CHD2: variants seen among roughly 807,000 people sequenced by gnomAD.
The protein encoded by CHD2 is chromodomain helicase DNA binding protein 2.
Under a neutral mutation model 243.9 loss-of-function variants are expected in CHD2, and 28 were observed. The ratio of observed to expected loss-of-function variants is 0.11; its 90% CI spans 0.09 to 0.16. The LOEUF is 0.16. Among genes scored for constraint, CHD2 ranks in the 10% least tolerant of loss-of-function variants. The pLI is 1.00. For synonymous variants in CHD2, 775 were observed against 779.0 expected, an observed-to-expected ratio of 0.99 and a Z score of 0.09; for missense variants, 1,386 against 2,209.8, an observed-to-expected ratio of 0.63 and a Z score of 7.47.
chr15:92,955,352 A>G (rs1261852954), intron 14 of CHD2, 71 bp from the exon 15 acceptor site: 1 of 846,320 alleles, frequency 1.2e-6, no homozygotes, highest in Admixed American at 3.5e-5. Context: ...CTATTACATC[A>G]ATCACAAAAC....
intron 5 of CHD2, among the ~76,000 whole-genome samples, chr15:92,932,414 G>A (rs1234191102): frequency 1.3e-5 from 2 of 148,982 alleles, no homozygotes; most frequent in Non-Finnish European, 3.0e-5. Flanking sequence ...TTTACATTAG[G>A]TATATCTCCT....
chr15:92,942,707 A>G, intron 8 of CHD2, 136 bp from the exon 9 acceptor site: 1 of 612,848 alleles, frequency 1.6e-6, no homozygotes. Context: ...GTTGTTTGTG[A>G]GTTTGTACTT....
intron 21 of CHD2, among the ~76,000 whole-genome samples, 183 bp from the exon 22 acceptor site, chr15:92,978,951 CA>C (rs1299078361): frequency 6.6e-6 from 1 of 152,128 alleles, no homozygotes; most frequent in Non-Finnish European, 1.5e-5. Context: ...ACCTGCTGCA[CA>C]TAGTAAAAGT....
At chr15:92,996,855 G>A in intron 28 of CHD2, 102 bp from the exon 29 acceptor site, 2 of 1,131,200 alleles carry the variant, frequency 1.8e-6, no homozygotes, top group Non-Finnish European at 2.5e-6. Context: ...ATAAGCCAGA[G>A]ATATATTCAG....
chr15:92,901,331 T>G, intron 2 of CHD2, 32 bp downstream of exon 2: 1 of 1,303,200 alleles, frequency 7.7e-7, no homozygotes, highest in Admixed American at 2.0e-5. Flanking sequence ...CCTTTTTGTC[T>G]TTTTTTTTGG....
rs373924323 is a variant in CHD2 at position 92,963,321 on chromosome 15, A to G, written c.2001-4004A>G. ...CAGTGTGTCATTTTAATTCCTGTTAATTTTTTGCTATTAAAAAAATTGTAA... is the reference window on the plus strand; with the variant it reads ...CAGTGTGTCATTTTAATTCCTGTTAGTTTTTTGCTATTAAAAAAATTGTAA... On this transcript the variant is annotated intron_variant, in intron 16 of 38. Transcript: ENST00000394196. Among the ~76,000 whole-genome samples the G allele has an allele frequency of 4.6e-5, 7 of 151,734 alleles. No individual in the cohort carries two copies. The East Asian group carries it at 1.4e-3, about 29-fold the overall frequency.
chr15:92,908,287 A>T (rs1182023370), intron 2 of CHD2, among the ~76,000 whole-genome samples: 1 of 152,172 alleles, frequency 6.6e-6, no homozygotes, highest in Non-Finnish European at 1.5e-5. Flanking sequence ...ACCAATGTCT[A>T]ATTGGCTGTA....
chr15:92,993,172 C>T, intron 28 of CHD2, 174 bp downstream of exon 28: 1 of 605,230 alleles, frequency 1.7e-6, no homozygotes, highest in East Asian at 3.0e-5. Flanking sequence ...TACAGGTCTA[C>T]TCACAAATGA....
rs1207108857 is a variant in CHD2 at position 92,971,942 on chromosome 15, A to G, written c.2352+15A>G. The G allele has an allele frequency of 2.2e-5, 35 of 1,590,684 alleles. No individual in the cohort carries two copies. Among genetic ancestry groups the G allele is most frequent in the Non-Finnish European group, 2.8e-5 (33 of 1,172,148 alleles). On this transcript the variant is annotated intron_variant, in intron 18 of 38. Coordinates refer to ENST00000394196, the MANE Select transcript of CHD2 (RefSeq NM_001271.4). The stretch of plus-strand genomic sequence containing the variant: ...AGATTCTTCTGGTAGGTAGTTCCTC[A>G]TAATTACTTTCTCAAAAAAAACGCT...
Position 93,000,546 on chromosome 15 carries a change from A to T in CHD2, c.4043A>T (p.Lys1348Met). Reference protein sequence around the residue: ...KLKKRKPRVKKENKVPRLKEE... With the variant: ...KLKKRKPRVKMENKVPRLKEE... ...AAGAAGCGGAAGCCTCGGGTAAAGAAGGAAAACAAAGTGCCCAGGCTGAAA... is the reference window on the plus strand; with the variant it reads ...AAGAAGCGGAAGCCTCGGGTAAAGATGGAAAACAAAGTGCCCAGGCTGAAA... The change falls in exon 32 of 39, where the codon AAG (lysine) becomes ATG (methionine). Residue 1348 changes from lysine (K) to methionine (M), a missense_variant. Transcript: ENST00000394196. The T allele has an allele frequency of 1.2e-6, 2 of 1,613,528 alleles. No homozygotes were observed. Among genetic ancestry groups the T allele is most frequent in the Non-Finnish European group, 1.7e-6 (2 of 1,179,744 alleles).
At chr15:92,930,109 A>G (rs2053138360) in intron 5 of CHD2, among the ~76,000 whole-genome samples, 1 of 152,212 alleles carries the variant, frequency 6.6e-6, no homozygotes, top group African/African-American at 2.4e-5. Flanking sequence ...TGCACTTGGC[A>G]TCTTAGAAGG....
At position 92,955,416 on chromosome 15, in the gene CHD2, CT is replaced by C; in HGVS notation, c.1720-5del. 6.5e-7 allele frequency: 1 copy of C among 1,534,430 alleles called. No individual in the cohort carries two copies. Among genetic ancestry groups the C allele is most frequent in the East Asian group, 2.4e-5 (1 of 41,174 alleles). ...AATTATGTCTTAATTATGTTTTTTT[CT>C]TATAGATACGGGAATATGAATGGAT... On this transcript the variant is annotated splice_region_variant and splice_polypyrimidine_tract_variant and intron_variant, in intron 14 of 38. Transcript: ENST00000394196.
In CHD2 at chr15:92,953,390, C is replaced by G; in HGVS notation, c.1536C>G (p.Gly512=). Residue 512 remains glycine (G), a synonymous_variant, in exon 14 of 39, where the codon GGC becomes GGG. Transcript: ENST00000394196. Reference sequence around the variant, plus strand: ...GTGTAATCCTTGCTGATGAAATGGGCCTAGGAAAGACCATCCAGACCATAT... The same window carrying G: ...GTGTAATCCTTGCTGATGAAATGGGGCTAGGAAAGACCATCCAGACCATAT... ...NNSVILADEM[G]LGKTIQTISF... The G allele has an allele frequency of 6.2e-7, 1 of 1,613,990 alleles. No homozygotes were observed. The highest frequency in any genetic ancestry group is 1.1e-5 in the South Asian group (1 of 91,080).
At chr15:92,983,969 TAGGTATTA>T (rs1460963479) in intron 24 of CHD2, among the ~76,000 whole-genome samples, 2 of 152,186 alleles carry the variant, frequency 1.3e-5, no homozygotes, top group Non-Finnish European at 2.9e-5. Flanking sequence ...CATGGAGTAT[TAGGTATTA>T]AGCATTTTAA....
intron 31 of CHD2, among the ~76,000 whole-genome samples, chr15:92,999,119 T>TAAAA (rs2054222548): frequency 2.2e-5 from 3 of 136,154 alleles, no homozygotes; most frequent in African/African-American, 8.5e-5. Flanking sequence ...AAAAAAAAAT[T>TAAAA]CATTTAAGAC....
chr15:92,955,525 T>C lies in CHD2; in HGVS notation c.1809+13T>C, dbSNP rs1555440769. On this transcript the variant is annotated intron_variant, in intron 15 of 38. Coordinates refer to ENST00000394196, the MANE Select transcript of CHD2 (RefSeq NM_001271.4). ...CTTGAAAGATAAGGTGTGTAATTAA[T>C]ATCTAAAAGGCTAAATCTTTTCCAG... 1 of 1,543,786 alleles carries C rather than the reference T, an allele frequency of 6.5e-7. No homozygotes were observed. The highest frequency in any genetic ancestry group is 8.8e-7 in the Non-Finnish European group (1 of 1,133,024).
intron 23 of CHD2, among the ~76,000 whole-genome samples, 189 bp from the exon 24 acceptor site, chr15:92,981,176 G>C (rs1164116097): frequency 6.7e-6 from 1 of 149,586 alleles, no homozygotes; most frequent in Non-Finnish European, 1.5e-5. Context: ...CTTGTCATTT[G>C]TATAAATTAT....
chr15:92,980,068 G>A (rs1282096983), intron 22 of CHD2, among the ~76,000 whole-genome samples: 1 of 94,928 alleles, frequency 1.1e-5, no homozygotes, highest in Non-Finnish European at 2.4e-5. Context: ...TTTTTGAGAT[G>A]GAGTCTCGCT....
chr15:92,930,020 A>G (rs201146592), intron 5 of CHD2, among the ~76,000 whole-genome samples: 42 of 88,182 alleles, frequency 4.8e-4, no homozygotes, highest in African/African-American at 1.6e-3. Flanking sequence ...AGCCTTACAG[A>G]AAAGTACTTA....
Sources: allele counts gnomAD v4.1 joint callset (sites outside exome capture counted in the v4.1 genomes callset), GRCh38; gene constraint gnomAD v4.1.1; transcripts MANE v1.5; gene names NCBI Gene and HGNC (gene_info 2026-07-23, HGNC 2026-07-21).